The following CCDC178 variants were observed in gnomAD, a reference collection of about 807,000 sequenced individuals.
CCDC178 encodes coiled-coil domain-containing protein 178.
CCDC178 carries 126 observed loss-of-function variants against 117.4 expected under a neutral mutation model. The observed-to-expected ratio is 1.07, with a 90% confidence interval of 0.93 to 1.24. The LOEUF (loss-of-function observed/expected upper bound fraction) is 1.24, where lower values mean the gene tolerates loss of function less well. Ranked by LOEUF, CCDC178 falls within the 50% of genes most tolerant of loss-of-function variation. The probability of loss-of-function intolerance (pLI) is 0.00; values close to 1 mark genes in which losing one functional copy is unlikely to be tolerated. For synonymous variants in CCDC178, 283 were observed against 313.4 expected (o/e 0.90, Z 1.02); for missense variants, 1,030 against 986.9 (o/e 1.04, Z -0.59).
At chr18:33,071,727 G>T (rs896930749) in intron 21 of CCDC178, among the ~76,000 whole-genome samples, 2 of 152,076 alleles carry the variant, frequency 1.3e-5, no homozygotes, top group Non-Finnish European at 2.9e-5. Flanking sequence ...GTGCTTGAAT[G>T]TTCAACCAAA....
At chr18:33,050,076 A>G (rs2056720687) in intron 21 of CCDC178, among the ~76,000 whole-genome samples, 1 of 152,140 alleles carries the variant, frequency 6.6e-6, no homozygotes, top group Non-Finnish European at 1.5e-5. Context: ...GCAAGACTCC[A>G]TCTCAAAAAT....
chr18:33,093,235 G>A (rs1398575677), intron 20 of CCDC178, among the ~76,000 whole-genome samples: 1 of 151,588 alleles, frequency 6.6e-6, no homozygotes, highest in Non-Finnish European at 1.5e-5. Flanking sequence ...CCCAGTCCTG[G>A]GACCCTTTAA....
At chr18:33,356,190 A>G (rs1761141432) in intron 7 of CCDC178, 134 bp downstream of exon 7, 1 of 874,466 alleles carries the variant, frequency 1.1e-6, no homozygotes, top group Admixed American at 3.7e-5. Context: ...TTTAAAAAAT[A>G]TATTGCAATA....
chr18:32,972,427 T>C (rs1484868222), intron 22 of CCDC178, among the ~76,000 whole-genome samples: 1 of 152,166 alleles, frequency 6.6e-6, no homozygotes, highest in Non-Finnish European at 1.5e-5. Flanking sequence ...TGTAGCCTTG[T>C]AGTATAGTTT....
At chr18:32,968,068 C>T (rs572929376) in intron 22 of CCDC178, among the ~76,000 whole-genome samples, 2 of 151,814 alleles carry the variant, frequency 1.3e-5, no homozygotes, top group South Asian at 2.1e-4. Context: ...GTTACCCTAT[C>T]GTGCAATATA....
intron 21 of CCDC178, among the ~76,000 whole-genome samples, chr18:33,026,800 C>A (rs1191426311): frequency 6.6e-6 from 1 of 151,820 alleles, no homozygotes; most frequent in Non-Finnish European, 1.5e-5. Flanking sequence ...AAAAAGCAAT[C>A]TAGCATTCTA....
intron 21 of CCDC178, among the ~76,000 whole-genome samples, chr18:33,029,984 A>G (rs2056304271): frequency 6.6e-6 from 1 of 151,896 alleles, no homozygotes; most frequent in Non-Finnish European, 1.5e-5. Context: ...TTGCTGTTAG[A>G]TCTTAGGTTA....
At chr18:33,300,553 A>G (rs895216855) in intron 11 of CCDC178, among the ~76,000 whole-genome samples, 3 of 152,196 alleles carry the variant, frequency 2.0e-5, no homozygotes, top group Non-Finnish European at 4.4e-5. Context: ...AAACGTTGAC[A>G]GTGAAGGCTA....
chr18:33,029,980 T>C (rs563250214), intron 21 of CCDC178, among the ~76,000 whole-genome samples: 8 of 152,168 alleles, frequency 5.3e-5, no homozygotes, highest in African/African-American at 1.9e-4. Flanking sequence ...TATATTGCTG[T>C]TAGATCTTAG....
At chr18:33,310,923 G>A (rs1367436292) in intron 11 of CCDC178, among the ~76,000 whole-genome samples, 1 of 152,074 alleles carries the variant, frequency 6.6e-6, no homozygotes, top group Non-Finnish European at 1.5e-5. Flanking sequence ...ACCCAGAGTG[G>A]GGCATCTTGC....
chr18:33,423,676 G>C (rs190313033), intron 2 of CCDC178, among the ~76,000 whole-genome samples: 17 of 152,114 alleles, frequency 1.1e-4, no homozygotes, highest in Non-Finnish European at 1.9e-4. Context: ...AAAATACTTT[G>C]TTAATTCTTT....
At chr18:33,434,604 T>C (rs1321964340) in intron 2 of CCDC178, among the ~76,000 whole-genome samples, 2 of 152,082 alleles carry the variant, frequency 1.3e-5, no homozygotes, top group Admixed American at 1.3e-4. Context: ...TGCAACATTG[T>C]GTTTCAGAGA....
chr18:33,399,760 G>A (rs1199959476), intron 3 of CCDC178, among the ~76,000 whole-genome samples: 1 of 152,126 alleles, frequency 6.6e-6, no homozygotes, highest in African/African-American at 2.4e-5. Flanking sequence ...AAGTCATCCA[G>A]GAGACTTGGA....
chr18:33,227,550 GTGTGTGTATATA>G lies in CCDC178; in HGVS notation c.1594-707_1594-696del, dbSNP rs1174837844. Among the ~76,000 whole-genome samples the G allele has an allele frequency of 1.7e-3, 124 of 72,634 alleles. 1 individual carries two copies. Among genetic ancestry groups the G allele is most frequent in the African/African-American group, 5.5e-3 (113 of 20,646 alleles). 47.7% of individuals were successfully genotyped at this position (72,634 alleles called of 152,430 possible). ...TATATGTATGTGTGTGTGTGTGTGT[GTGTGTGTATATA>G]TATATATATATATATATACACACAC... On this transcript the variant is annotated intron_variant, in intron 15 of 22. Transcript: ENST00000383096.
At chr18:33,246,530 T>C (rs759009472) in intron 14 of CCDC178, among the ~76,000 whole-genome samples, 4 of 151,472 alleles carry the variant, frequency 2.6e-5, no homozygotes, top group Non-Finnish European at 4.4e-5. Context: ...TATTCCAAAA[T>C]AGGATGAAAG....
chr18:33,352,103 G>A (rs965927079), intron 7 of CCDC178, among the ~76,000 whole-genome samples: 8 of 152,000 alleles, frequency 5.3e-5, no homozygotes, highest in African/African-American at 1.9e-4. Context: ...CACTTTATTT[G>A]TCATAGTTCT....
chr18:33,350,827 AC>A (rs1480155920), intron 7 of CCDC178, among the ~76,000 whole-genome samples: 2 of 151,808 alleles, frequency 1.3e-5, no homozygotes, highest in Non-Finnish European at 2.9e-5. Context: ...TCTAGGTTTC[AC>A]TTTTTGAGGA....
chr18:33,251,182 T>G (rs1252353689), intron 14 of CCDC178, among the ~76,000 whole-genome samples: 1 of 151,720 alleles, frequency 6.6e-6, no homozygotes, highest in Non-Finnish European at 1.5e-5. Context: ...ATTTTGTGTT[T>G]TCATACTTTA....
intron 21 of CCDC178, among the ~76,000 whole-genome samples, chr18:33,020,725 A>G (rs1002819029): frequency 6.6e-6 from 1 of 152,230 alleles, no homozygotes; most frequent in Non-Finnish European, 1.5e-5. Context: ...GTAAAAATGT[A>G]ACTTAATTCC....
Sources: gnomAD v4.1 joint callset for allele counts (sites outside exome capture counted in the v4.1 genomes callset) on GRCh38, gnomAD v4.1.1 for gene constraint, MANE v1.5 for transcripts, NCBI Gene and HGNC (gene_info 2026-07-23, HGNC 2026-07-21) for gene names.